RBFOX3: variants seen among roughly 807,000 people sequenced by gnomAD.
The protein encoded by RBFOX3 is RNA binding fox-1 homolog 3, also known as RNA binding protein fox-1 homolog 3.
RBFOX3 carries 17 observed loss-of-function variants against 48.7 expected under a neutral mutation model. The observed-to-expected ratio is 0.35, with a 90% CI of 0.24 to 0.52. The LOEUF is 0.52. Ranked by LOEUF, RBFOX3 falls within the 20% of genes least tolerant of loss-of-function variation. RBFOX3 has a pLI of 0.94. For missense variants in RBFOX3, 382 were observed against 497.5 expected (o/e 0.77, Z 2.21); for synonymous variants, 212 against 209.5 (o/e 1.01, Z -0.10).
intron 1 of RBFOX3, among the ~76,000 whole-genome samples, chr17:79,557,757 C>T (rs1485565427): frequency 6.6e-6 from 1 of 152,204 alleles, no homozygotes; most frequent in Non-Finnish European, 1.5e-5. Context: ...GTCAGCGTAT[C>T]GGGCAGGCGG....
chr17:79,498,720 A>C (rs1252805958), intron 1 of RBFOX3, among the ~76,000 whole-genome samples: 6 of 123,498 alleles, frequency 4.9e-5, no homozygotes, highest in Non-Finnish European at 6.8e-5. Context: ...CCATCCTTCC[A>C]CCCACCCCAT....
Position 79,101,568 on chromosome 17 carries a change from G to A in RBFOX3, c.568+16C>T. ...CAGTGACCCCAGCAGCCTTGTGGGG[G>A]GACCCAGCCCCTTACCGTTGGTGTA... On this transcript the variant is annotated intron_variant, in intron 9 of 14. Transcript: ENST00000693108. The A allele has an allele frequency of 6.5e-7, 1 of 1,549,842 alleles. No homozygotes were observed.
chr17:79,630,734 A>C, the RBFOX3 span, among the ~76,000 whole-genome samples: 44 of 152,256 alleles, frequency 2.9e-4, no homozygotes, highest in East Asian at 1.9e-4. Flanking sequence ...AGTGAGTAAC[A>C]CTTACTGACT....
intron 5 of RBFOX3, among the ~76,000 whole-genome samples, chr17:79,112,980 G>A (rs1232384648): frequency 2.0e-5 from 3 of 150,922 alleles, no homozygotes; most frequent in East Asian, 2.0e-4. Context: ...GGCTGCACAC[G>A]GGCCCTCGAG....
chr17:79,371,001 A>AT (rs1555692918), intron 2 of RBFOX3, among the ~76,000 whole-genome samples: 1 of 151,886 alleles, frequency 6.6e-6, no homozygotes, highest in Non-Finnish European at 1.5e-5. Flanking sequence ...CTCCCCCGGT[A>AT]GGGGGTTAGG....
intron 3 of RBFOX3, among the ~76,000 whole-genome samples, chr17:79,294,604 A>G (rs1272679612): frequency 6.6e-6 from 1 of 152,100 alleles, no homozygotes; most frequent in Non-Finnish European, 1.5e-5. Context: ...CCCGCTAGAT[A>G]CCTTTGCTTC....
rs745755616 is a variant in RBFOX3, at chr17:79,220,754, G to A, written c.-34+15012C>T. 6.6e-5 allele frequency among the ~76,000 whole-genome samples: 10 copies of A among 152,184 alleles called. No homozygotes were observed. Among genetic ancestry groups the A allele is most frequent in the Non-Finnish European group, 1.2e-4 (8 of 68,036 alleles). On this transcript the variant is annotated intron_variant, in intron 4 of 14. Coordinates refer to ENST00000693108, the MANE Select transcript of RBFOX3 (RefSeq NM_001350451.2). This position sits in a 1 kb window ranked among gnomAD's most constrained non-coding sequence, Gnocchi z 5.9. ...TGGGAGATGAGATTTGGAAGGGCCA[G>A]AGAGGTGACACTGCCTGGAGACCCC...
chr17:79,621,422 G>A, the RBFOX3 span, among the ~76,000 whole-genome samples: 1 of 150,808 alleles, frequency 6.6e-6, no homozygotes, highest in Admixed American at 6.6e-5. Context: ...GATACCCAGC[G>A]AGGGGGCCAT....
the RBFOX3 span, among the ~76,000 whole-genome samples, chr17:79,640,473 A>G: frequency 1.3e-5 from 2 of 152,192 alleles, no homozygotes; most frequent in African/African-American, 2.4e-5. Context: ...CAAAATTTGT[A>G]TGGAATCACA....
At chr17:79,092,276 A>C in intron 14 of RBFOX3, 1 of 985,510 alleles carries the variant, frequency 1.0e-6, no homozygotes, top group Non-Finnish European at 1.2e-6. Context: ...CTCCTGGCCC[A>C]GCCTGGACCC....
intron 4 of RBFOX3, among the ~76,000 whole-genome samples, chr17:79,196,226 A>G (rs1188226939): frequency 6.6e-6 from 1 of 152,086 alleles, no homozygotes; most frequent in East Asian, 1.9e-4. Context: ...GCTCCTAAGA[A>G]GACTGTAGTC....
intron 1 of RBFOX3, among the ~76,000 whole-genome samples, chr17:79,544,838 CT>C (rs1374343243): frequency 1.3e-5 from 2 of 152,086 alleles, no homozygotes; most frequent in East Asian, 3.9e-4. Flanking sequence ...GCTGTCCTCA[CT>C]CCTCTCCAAG....
intron 1 of RBFOX3, among the ~76,000 whole-genome samples, chr17:79,563,994 C>T (rs1461926707): frequency 7.9e-5 from 12 of 152,220 alleles, no homozygotes; most frequent in Non-Finnish European, 1.6e-4. Context: ...CTATGCCAGG[C>T]TGAGTACCCT....
intron 1 of RBFOX3, among the ~76,000 whole-genome samples, chr17:79,494,917 G>T (rs909877876): frequency 6.6e-6 from 1 of 152,188 alleles, no homozygotes; most frequent in Non-Finnish European, 1.5e-5. Flanking sequence ...GCTGGAGGTC[G>T]ATGATTTTCA....
In RBFOX3 at chr17:79,482,669, C is replaced by T. The variant is rs1048938515; in HGVS notation, c.-319-71G>A. ...CATCTTCCTTTTGATCTAAAACAAA[C>T]ATTTGGTATTAATAAACCAGGGAGG... On this transcript the variant is annotated intron_variant, in intron 1 of 14. Coordinates refer to ENST00000693108, the MANE Select transcript of RBFOX3 (RefSeq NM_001350451.2). The surrounding 1 kb of genome is among the most constrained non-coding windows in gnomAD (Gnocchi z 4.1). The T allele has an allele frequency of 6.6e-6, 1 of 152,130 alleles. No homozygotes were observed. The highest frequency in any genetic ancestry group is 2.4e-5 in the African/African-American group (1 of 41,398). 9.4% of individuals were successfully genotyped at this position (152,130 alleles called of 1,614,324 possible). A position where few individuals can be genotyped will look rare whatever the true frequency, so the allele number is the denominator to read the frequency against.
intron 4 of RBFOX3, among the ~76,000 whole-genome samples, chr17:79,151,185 C>A (rs2044336083): frequency 6.6e-6 from 1 of 151,934 alleles, no homozygotes; most frequent in Non-Finnish European, 1.5e-5. Context: ...CGGCATCAGA[C>A]CCTGCGTGCT....
chr17:79,426,314 A>G (rs2067371337), intron 2 of RBFOX3, among the ~76,000 whole-genome samples: 1 of 152,106 alleles, frequency 6.6e-6, no homozygotes, highest in African/African-American at 2.4e-5. Flanking sequence ...GTGCTGGGAG[A>G]GGAGGTGTTC....
At chr17:79,275,930 A>C (rs1054025670) in intron 3 of RBFOX3, among the ~76,000 whole-genome samples, 4 of 152,264 alleles carry the variant, frequency 2.6e-5, no homozygotes, top group African/African-American at 9.6e-5. Flanking sequence ...ACGCGTATTC[A>C]TTGCAGCGTC....
intron 1 of RBFOX3, among the ~76,000 whole-genome samples, chr17:79,528,645 C>T (rs1446614315): frequency 5.9e-5 from 9 of 151,604 alleles, no homozygotes; most frequent in Admixed American, 2.6e-4. Flanking sequence ...TGGTGTTGTC[C>T]CAAGGAGAGG....
Sources: allele counts gnomAD v4.1 joint callset (sites outside exome capture counted in the v4.1 genomes callset), GRCh38; gene constraint gnomAD v4.1.1; non-coding constraint Gnocchi (gnomAD v3.1); transcripts MANE v1.5; gene names NCBI Gene and HGNC (gene_info 2026-07-23, HGNC 2026-07-21).